Variants in CDH18 observed in about 807,000 individuals in gnomAD.
The protein encoded by CDH18 is cadherin-18.
In CDH18, 31 loss-of-function variants were observed where a neutral mutation model predicts 67.9. The ratio of observed to expected loss-of-function variants is 0.46; its 90% CI spans 0.34 to 0.62. The LOEUF is 0.62. Among genes scored for constraint, CDH18 ranks in the 20% least tolerant of loss-of-function variants. CDH18 has a pLI of 0.01. For missense variants in CDH18, 890 were observed against 975.5 expected, an observed-to-expected ratio of 0.91 and a Z score of 1.17; for synonymous variants, 362 against 347.2, an observed-to-expected ratio of 1.04 and a Z score of -0.48.
chr5:19,550,614 T>C (rs943898773), intron 8 of CDH18, among the ~76,000 whole-genome samples: 1 of 152,248 alleles, frequency 6.6e-6, no homozygotes, highest in Non-Finnish European at 1.5e-5. Context: ...TATGGCTGCA[T>C]AGTATTCCAT....
intron 2 of CDH18, among the ~76,000 whole-genome samples, chr5:20,157,073 G>C (rs1751588241): frequency 6.6e-6 from 1 of 152,136 alleles, no homozygotes; most frequent in South Asian, 2.1e-4. Flanking sequence ...ATATGGCATG[G>C]GTATGCTGGA....
At chr5:20,262,114 T>A (rs1744702539) in intron 1 of CDH18, among the ~76,000 whole-genome samples, 1 of 152,226 alleles carries the variant, frequency 6.6e-6, no homozygotes, top group Non-Finnish European at 1.5e-5. Context: ...TGTTCCTTGA[T>A]ACAAGGTGCT....
chr5:19,851,525 AAC>A (rs1053906510), intron 2 of CDH18, among the ~76,000 whole-genome samples: 4 of 151,558 alleles, frequency 2.6e-5, no homozygotes, highest in African/African-American at 9.7e-5. Context: ...TAAAATAATT[AAC>A]AGTTGTATCA....
At chr5:20,235,567 A>G (rs1326118581) in intron 2 of CDH18, among the ~76,000 whole-genome samples, 1 of 152,202 alleles carries the variant, frequency 6.6e-6, no homozygotes, top group East Asian at 1.9e-4. Flanking sequence ...AATCAAAACC[A>G]CAATGATAGA....
At chr5:19,509,144 C>T (rs1744717061) in intron 10 of CDH18, among the ~76,000 whole-genome samples, 1 of 152,032 alleles carries the variant, frequency 6.6e-6, no homozygotes, top group Non-Finnish European at 1.5e-5. Context: ...ACTGGGATTA[C>T]AGGTGTGAAT....
chr5:20,151,798 T>C (rs989205772), intron 2 of CDH18, among the ~76,000 whole-genome samples: 1 of 152,066 alleles, frequency 6.6e-6, no homozygotes, highest in Admixed American at 6.6e-5. Flanking sequence ...TAATAAATAG[T>C]AATGCCTATA....
At chr5:19,545,221 T>C (rs1291112198) in intron 8 of CDH18, among the ~76,000 whole-genome samples, 1 of 152,096 alleles carries the variant, frequency 6.6e-6, no homozygotes, top group Non-Finnish European at 1.5e-5. Context: ...ATTAATTATG[T>C]GAAAAGTGCT....
At chr5:20,414,980 T>G (rs1363141362) in intron 1 of CDH18, among the ~76,000 whole-genome samples, 1 of 152,136 alleles carries the variant, frequency 6.6e-6, no homozygotes, top group Non-Finnish European at 1.5e-5. Context: ...GAATCACACT[T>G]CTGAGTATTT....
intron 1 of CDH18, among the ~76,000 whole-genome samples, chr5:20,442,804 T>G (rs1192966168): frequency 6.6e-6 from 1 of 151,802 alleles, no homozygotes; most frequent in African/African-American, 2.4e-5. Flanking sequence ...CAAAGACTAG[T>G]GCCAACAGTT....
intron 2 of CDH18, among the ~76,000 whole-genome samples, chr5:20,161,345 T>C (rs1242915738): frequency 2.6e-5 from 4 of 152,160 alleles, no homozygotes; most frequent in Non-Finnish European, 4.4e-5. Context: ...TTTTGTACCA[T>C]GGAAGTTGAT....
intron 2 of CDH18, among the ~76,000 whole-genome samples, chr5:20,092,993 T>C (rs1209682165): frequency 1.3e-5 from 2 of 152,290 alleles, no homozygotes; most frequent in South Asian, 2.1e-4. Flanking sequence ...GTTTTAAATA[T>C]GTACTTTTTA....
chr5:20,392,247 A>T (rs1415385140), intron 1 of CDH18, among the ~76,000 whole-genome samples: 1 of 151,896 alleles, frequency 6.6e-6, no homozygotes, highest in Non-Finnish European at 1.5e-5. Flanking sequence ...TTTATTATAC[A>T]AGTTGAAAAT....
intron 2 of CDH18, among the ~76,000 whole-genome samples, chr5:19,957,793 T>C (rs1187767637): frequency 6.6e-6 from 1 of 152,006 alleles, no homozygotes; most frequent in Non-Finnish European, 1.5e-5. Flanking sequence ...TGATGTACAA[T>C]AGAAGACTAT....
At chr5:20,385,986 T>C (rs1157569042) in intron 1 of CDH18, among the ~76,000 whole-genome samples, 1 of 152,220 alleles carries the variant, frequency 6.6e-6, no homozygotes, top group African/African-American at 2.4e-5. Context: ...TTGTTACACA[T>C]AATTTAATAA....
chr5:19,550,619 T>C (rs1580157215), intron 8 of CDH18, among the ~76,000 whole-genome samples: 1 of 152,234 alleles, frequency 6.6e-6, no homozygotes, highest in Non-Finnish European at 1.5e-5. Flanking sequence ...CTGCATAGTA[T>C]TCCATGGAGT....
chr5:19,961,827 A>T (rs1407833187), intron 2 of CDH18, among the ~76,000 whole-genome samples: 1 of 152,064 alleles, frequency 6.6e-6, no homozygotes, highest in African/African-American at 2.4e-5. Context: ...TATTATGGTC[A>T]TGTAATAAAA....
chr5:19,721,444 T>C lies in CDH18; in HGVS notation c.546A>G (p.Thr182=), dbSNP rs1179954501. 1 of 1,612,078 alleles carries C rather than the reference T, an allele frequency of 6.2e-7. No individual in the cohort carries two copies. The highest frequency in any genetic ancestry group is 2.2e-5 in the East Asian group (1 of 44,868). Residue 182 remains threonine (T), a synonymous_variant, in exon 5 of 13, where the codon ACA becomes ACG. Coordinates refer to ENST00000382275, the MANE Select transcript of CDH18 (RefSeq NM_004934.5). ...SDMGTSVLQV[T]ATDADDPTYG... ...AGGTAGGGTCATCTGCATCAGTAGC[T>C]GTCACCTGTAGAACAGAGGTACCTG...
chr5:20,569,830 GA>G (rs1758710192), intron 1 of CDH18, among the ~76,000 whole-genome samples: 1 of 152,118 alleles, frequency 6.6e-6, no homozygotes, highest in Non-Finnish European at 1.5e-5. Context: ...CCATAACATA[GA>G]GAATATTATT....
chr5:20,144,980 G>A (rs950485915), intron 2 of CDH18, among the ~76,000 whole-genome samples: 13 of 152,028 alleles, frequency 8.6e-5, no homozygotes, highest in South Asian at 2.1e-4. Context: ...GGGGAGAGGC[G>A]TCAGAAGGAA....
Sources: gnomAD v4.1 joint callset for allele counts (sites outside exome capture counted in the v4.1 genomes callset) on GRCh38, gnomAD v4.1.1 for gene constraint, MANE v1.5 for transcripts, NCBI Gene and HGNC (gene_info 2026-07-23, HGNC 2026-07-21) for gene names.